AUTS2: variants seen among roughly 807,000 people sequenced by gnomAD.
AUTS2 encodes autism susceptibility gene 2 protein.
In AUTS2, 17 loss-of-function variants were observed where a neutral mutation model predicts 112.4. The ratio of observed to expected loss-of-function variants is 0.15; its 90% confidence interval spans 0.10 to 0.23. The LOEUF (loss-of-function observed/expected upper bound fraction) is 0.23, where lower values mean the gene tolerates loss of function less well. Among genes scored for constraint, AUTS2 ranks in the 10% least tolerant of loss-of-function variants. The probability of loss-of-function intolerance (pLI) is 1.00; values close to 1 mark genes in which losing one functional copy is unlikely to be tolerated. For missense variants in AUTS2, 1,510 were observed against 1,701.6 expected (o/e 0.89, Z 1.98); for synonymous variants, 751 against 702.7 (o/e 1.07, Z -1.09).
At chr7:70,743,447 T>A (rs1788238790) in intron 6 of AUTS2, among the ~76,000 whole-genome samples, 1 of 124,836 alleles carries the variant, frequency 8.0e-6, no homozygotes, top group East Asian at 2.3e-4. Context: ...CCAGCCTGGC[T>A]GACAGAGGGA....
intron 2 of AUTS2, among the ~76,000 whole-genome samples, chr7:70,088,737 C>T (rs990101070): frequency 1.3e-5 from 2 of 151,866 alleles, no homozygotes; most frequent in East Asian, 1.9e-4. Flanking sequence ...CTCAGCCTCC[C>T]AAGTAGCTGA....
chr7:70,480,991 A>G (rs1427150175), intron 5 of AUTS2, among the ~76,000 whole-genome samples: 1 of 152,208 alleles, frequency 6.6e-6, no homozygotes, highest in African/African-American at 2.4e-5. Flanking sequence ...GGAACCACAC[A>G]TGTGTAAAGG....
intron 5 of AUTS2, among the ~76,000 whole-genome samples, chr7:70,659,720 G>C (rs913352811): frequency 5.3e-5 from 8 of 152,178 alleles, no homozygotes; most frequent in Non-Finnish European, 1.0e-4. Flanking sequence ...TTATTTTCTA[G>C]TCATGGATAT....
chr7:69,851,185 A>G (rs1320455935), intron 1 of AUTS2, among the ~76,000 whole-genome samples: 1 of 152,130 alleles, frequency 6.6e-6, no homozygotes. Context: ...TAGGTTCTCT[A>G]TTCTGTCCGT....
chr7:69,946,892 G>A (rs978471856), intron 2 of AUTS2, among the ~76,000 whole-genome samples: 2 of 152,056 alleles, frequency 1.3e-5, no homozygotes, highest in African/African-American at 2.4e-5. Flanking sequence ...ATTATCAGCC[G>A]CCCCTCTTGC....
In AUTS2 at chr7:70,521,853, C is replaced by T. The variant is rs372579824; in HGVS notation, c.690+86072C>T. On this transcript the variant is annotated intron_variant, in intron 5 of 18. Coordinates refer to ENST00000342771, the MANE Select transcript of AUTS2 (RefSeq NM_015570.4). ...TCTTGCTGCAGCTTGGAGTCAAACACACATGGATGTGACTCTGCCTTTGCC... is the reference window on the plus strand; with the variant it reads ...TCTTGCTGCAGCTTGGAGTCAAACATACATGGATGTGACTCTGCCTTTGCC... Among the ~76,000 whole-genome samples the T allele has an allele frequency of 5.3e-5, 8 of 152,284 alleles. No homozygotes were observed. The South Asian group carries it at 1.7e-3, about 32-fold the overall frequency.
At chr7:69,834,255 G>A (rs1791625175) in intron 1 of AUTS2, among the ~76,000 whole-genome samples, 3 of 152,138 alleles carry the variant, frequency 2.0e-5, no homozygotes. Flanking sequence ...GCAATGAAAG[G>A]CCTTTATTCT....
intron 1 of AUTS2, among the ~76,000 whole-genome samples, chr7:69,829,854 A>T (rs1791419352): frequency 6.6e-6 from 1 of 152,160 alleles, no homozygotes; most frequent in Non-Finnish European, 1.5e-5. Flanking sequence ...TAGAACCAGA[A>T]ATGCCATTTG....
At chr7:70,515,012 T>C (rs2116841675) in intron 5 of AUTS2, among the ~76,000 whole-genome samples, 1 of 152,312 alleles carries the variant, frequency 6.6e-6, no homozygotes, top group South Asian at 2.1e-4. Context: ...CTTTATATAC[T>C]CTGGATACTA....
At chr7:70,359,241 C>T (rs1334264870) in intron 4 of AUTS2, among the ~76,000 whole-genome samples, 3 of 152,148 alleles carry the variant, frequency 2.0e-5, no homozygotes, top group Non-Finnish European at 4.4e-5. Context: ...TTTAAATACA[C>T]CTTTGTTAAA....
At chr7:70,119,663 A>G (rs1361630077) in intron 3 of AUTS2, 1 of 152,164 alleles carries the variant, frequency 6.6e-6, no homozygotes, top group Non-Finnish European at 1.5e-5. Flanking sequence ...CGCCTGGCTT[A>G]ATTTTTGTAT....
At chr7:70,782,412 C>T (rs1187018910) in intron 15 of AUTS2, 1 of 152,258 alleles carries the variant, frequency 6.6e-6, no homozygotes, top group Non-Finnish European at 1.5e-5. Flanking sequence ...TACACACTGT[C>T]AAGTGTGCGT....
chr7:70,034,993 G>C (rs557235649), intron 2 of AUTS2, among the ~76,000 whole-genome samples: 30 of 152,194 alleles, frequency 2.0e-4, no homozygotes, highest in African/African-American at 6.7e-4. Flanking sequence ...CATTACGCCT[G>C]GCTCAATTCT....
chr7:70,644,521 C>T (rs892644451), intron 5 of AUTS2, among the ~76,000 whole-genome samples: 3 of 152,188 alleles, frequency 2.0e-5, no homozygotes, highest in Non-Finnish European at 4.4e-5. Flanking sequence ...TTCCACACAT[C>T]GTCTCGCACC....
At chr7:70,186,861 G>C (rs1809633816) in intron 4 of AUTS2, among the ~76,000 whole-genome samples, 2 of 152,160 alleles carry the variant, frequency 1.3e-5, no homozygotes, top group African/African-American at 4.8e-5. Context: ...GAGCCACCGT[G>C]CCCAGCCAAT....
At chr7:70,552,088 G>A (rs1801037933) in intron 5 of AUTS2, among the ~76,000 whole-genome samples, 1 of 152,120 alleles carries the variant, frequency 6.6e-6, no homozygotes, top group African/African-American at 2.4e-5. Flanking sequence ...AAAAGAGTAT[G>A]TGTATCTTTG....
At chr7:69,940,911 T>G (rs6950242) in intron 2 of AUTS2, among the ~76,000 whole-genome samples, 2 of 151,938 alleles carry the variant, frequency 1.3e-5, no homozygotes, top group Non-Finnish European at 2.9e-5. Flanking sequence ...CAGAAGAAGG[T>G]TACAATGTAA....
chr7:69,745,185 A>G (rs1787437981), intron 1 of AUTS2, among the ~76,000 whole-genome samples: 1 of 152,168 alleles, frequency 6.6e-6, no homozygotes, highest in Non-Finnish European at 1.5e-5. Context: ...CGCCTCGTGT[A>G]TAGATTGGGC....
At chr7:69,823,762 G>A (rs1368166085) in intron 1 of AUTS2, among the ~76,000 whole-genome samples, 1 of 151,794 alleles carries the variant, frequency 6.6e-6, no homozygotes, top group African/African-American at 2.4e-5. Context: ...AATCATGATT[G>A]CTAGGTGGAA....
Sources: gnomAD v4.1 joint callset for allele counts (sites outside exome capture counted in the v4.1 genomes callset) on GRCh38, gnomAD v4.1.1 for gene constraint, MANE v1.5 for transcripts, NCBI Gene and HGNC (gene_info 2026-07-23, HGNC 2026-07-21) for gene names.